Variants in ORC3 observed in about 807,000 individuals in gnomAD.
The protein encoded by ORC3 is origin recognition complex subunit 3.
ORC3 carries 78 observed loss-of-function variants against 100.7 expected under a neutral mutation model. The observed-to-expected ratio is 0.77, with a 90% CI of 0.65 to 0.94. The LOEUF is 0.94. ORC3 is among the 40% of genes least tolerant of loss of function. The pLI, the probability that ORC3 is intolerant of heterozygous loss-of-function variation, is 0.00. For missense variants in ORC3, 789 were observed against 823.9 expected (o/e 0.96, Z 0.52); for synonymous variants, 295 against 289.3 (o/e 1.02, Z -0.20).
rs1157923459 is a variant in ORC3, at chr6:87,609,105, C to T, written c.589C>T (p.Pro197Ser). The change falls in exon 7 of 20, where the codon CCA (proline) becomes TCA (serine). Residue 197 changes from proline (P) to serine (S), a missense_variant. By Grantham distance (74) the Pro-to-Ser change is moderately conservative (BLOSUM62 -1). Coordinates refer to ENST00000392844, the MANE Select transcript of ORC3 (RefSeq NM_012381.4). ...TGCAATGGCTTAAAAGAAGACGGACCCAAAAATGCTAAGCAAAAAAAGGAC... is the reference window on the plus strand; with the variant it reads ...TGCAATGGCTTAAAAGAAGACGGACTCAAAAATGCTAAGCAAAAAAAGGAC... ...WYMTVTQKTD[P>S]KMLSKKRTTS... 1.9e-6 allele frequency: 3 copies of T among 1,600,322 alleles called. No individual in the cohort carries two copies. Among genetic ancestry groups the T allele is most frequent in the Admixed American group, 3.6e-5 (2 of 55,422 alleles).
the ORC3 span, among the ~76,000 whole-genome samples, chr6:87,673,823 G>A: frequency 1.3e-5 from 2 of 150,722 alleles, no homozygotes; most frequent in African/African-American, 4.9e-5. Flanking sequence ...CCTGGTGACA[G>A]AGCAAGACTC....
chr6:87,651,074 G>T (rs1769225565), intron 13 of ORC3: 1 of 429,368 alleles, frequency 2.3e-6, no homozygotes, highest in Admixed American at 2.5e-5. Flanking sequence ...TTACATCTGA[G>T]TACCTTCTCC....
intron 14 of ORC3, among the ~76,000 whole-genome samples, chr6:87,653,481 A>C (rs559934859): frequency 2.0e-5 from 3 of 152,226 alleles, no homozygotes; most frequent in Non-Finnish European, 4.4e-5. Flanking sequence ...GAAAAAGAAA[A>C]TCTTTCTCCA....
At chr6:87,632,713 T>C (rs1245388802) in intron 11 of ORC3, among the ~76,000 whole-genome samples, 1 of 151,774 alleles carries the variant, frequency 6.6e-6, no homozygotes, top group Non-Finnish European at 1.5e-5. Flanking sequence ...AAATACAAAA[T>C]GTTAACTGGG....
chr6:87,675,323 T>C, the ORC3 span: 2 of 497,578 alleles, frequency 4.0e-6, no homozygotes, highest in Non-Finnish European at 7.2e-6. Context: ...TTTAATCCTT[T>C]TCAAACATTA....
At chr6:87,630,974 A>G (rs191122691) in intron 11 of ORC3, among the ~76,000 whole-genome samples, 4 of 151,998 alleles carry the variant, frequency 2.6e-5, no homozygotes, top group Admixed American at 2.6e-4. Context: ...GGGCTCAAGC[A>G]GTCTTCCTAC....
intron 3 of ORC3, among the ~76,000 whole-genome samples, chr6:87,602,586 T>C (rs1031218136): frequency 6.6e-5 from 10 of 152,106 alleles, no homozygotes; most frequent in Non-Finnish European, 1.5e-4. Flanking sequence ...TTACACCTAG[T>C]GGTAATGAGC....
chr6:87,601,355 A>T (rs1365804964), intron 2 of ORC3, among the ~76,000 whole-genome samples: 1 of 152,180 alleles, frequency 6.6e-6, no homozygotes, highest in African/African-American at 2.4e-5. Flanking sequence ...CCTGTCCCCA[A>T]ATATATGTTT....
Position 87,665,826 on chromosome 6 carries a change from A to G in ORC3, c.2023A>G (p.Ile675Val). Residue 675 changes from isoleucine to valine, a missense_variant, in exon 19 of 20, where the codon ATT becomes GTT. Coordinates refer to ENST00000392844, the MANE Select transcript of ORC3 (RefSeq NM_012381.4). ...NSATSEEMNE[I>V]IHARFIRAVS... Reference sequence around the variant, plus strand: ...TGCAACCTCAGAAGAAATGAATGAAATTATCCAGTATCCTTTTAAAACCAT... The same window carrying G: ...TGCAACCTCAGAAGAAATGAATGAAGTTATCCAGTATCCTTTTAAAACCAT... 1 of 1,594,162 alleles carries G rather than the reference A, an allele frequency of 6.3e-7. No individual in the cohort carries two copies. Among genetic ancestry groups the G allele is most frequent in the Non-Finnish European group, 8.6e-7 (1 of 1,162,336 alleles).
chr6:87,653,146 A>T lies in ORC3; in HGVS notation c.1413A>T (p.Ile471=). The T allele has an allele frequency of 6.2e-7, 1 of 1,613,426 alleles. No individual in the cohort carries two copies. The highest frequency in any genetic ancestry group is 8.5e-7 in the Non-Finnish European group (1 of 1,179,394). ...TGGCAAAGGATGAACTGATGACCAT[A>T]CTTGAGAAATGTTTCAAGGTTTTTA... ...RMLAKDELMT[I]LEKCFKVFKS... The change falls in exon 14 of 20, where the codon ATA becomes ATT. Residue 471 remains isoleucine, a synonymous_variant. Coordinates refer to ENST00000392844, the MANE Select transcript of ORC3 (RefSeq NM_012381.4).
chr6:87,636,286 A>C (rs1767821965), intron 12 of ORC3, 121 bp from the exon 13 acceptor site: 1 of 654,292 alleles, frequency 1.5e-6, no homozygotes, highest in Admixed American at 2.7e-5. Context: ...AGTCTATTAT[A>C]ATCTAAAGAA....
intron 1 of ORC3, 142 bp from the exon 2 acceptor site, chr6:87,594,211 A>T (rs1582987868): frequency 3.5e-6 from 2 of 563,680 alleles, no homozygotes; most frequent in East Asian, 5.3e-5. Flanking sequence ...AAGTGATGTG[A>T]TTTCTTAGAA....
At chr6:87,662,876 G>A (rs1355223370) in intron 16 of ORC3, 127 bp from the exon 17 acceptor site, 1 of 478,090 alleles carries the variant, frequency 2.1e-6, no homozygotes, top group African/African-American at 2.0e-5. Context: ...TACAGAGAGA[G>A]GATTGACAAA....
chr6:87,645,793 G>C (rs1314320035), intron 13 of ORC3, among the ~76,000 whole-genome samples: 1 of 152,038 alleles, frequency 6.6e-6, no homozygotes, highest in East Asian at 1.9e-4. Context: ...CAGGATGATT[G>C]CTTTTAATGA....
rs139887624 is a variant in ORC3, at chr6:87,631,681, G to C, written c.1186-3164G>C. Reference sequence around the variant, plus strand: ...CTAATTTTTGTATTTTTACTAGAGAGGGGGTTTTGCCAGGTTGGCTAGGCT... The same window carrying C: ...CTAATTTTTGTATTTTTACTAGAGACGGGGTTTTGCCAGGTTGGCTAGGCT... On this transcript the variant is annotated intron_variant, in intron 11 of 19. Transcript: ENST00000392844. Among the ~76,000 whole-genome samples, 359 of 151,768 alleles carry C rather than the reference G, an allele frequency of 2.4e-3. 3 individuals carry two copies. The highest frequency in any genetic ancestry group is 7.9e-3 in the African/African-American group (326 of 41,436).
chr6:87,593,956 G>T (rs927836237), intron 1 of ORC3, among the ~76,000 whole-genome samples: 3 of 152,188 alleles, frequency 2.0e-5, no homozygotes, highest in Non-Finnish European at 4.4e-5. Flanking sequence ...TGGCCTCCCA[G>T]AGTGCTGGGA....
At chr6:87,620,733 G>A (rs28381501) in intron 9 of ORC3, among the ~76,000 whole-genome samples, 226 of 152,076 alleles carry the variant, frequency 1.5e-3, no homozygotes, top group African/African-American at 5.1e-3. Flanking sequence ...TTATCCAAAC[G>A]TTCATTATGT....
intron 8 of ORC3, among the ~76,000 whole-genome samples, chr6:87,616,044 G>A (rs1445130672): frequency 1.3e-5 from 2 of 151,838 alleles, no homozygotes; most frequent in Non-Finnish European, 2.9e-5. Flanking sequence ...ATAGTTAATA[G>A]GTGGTATTTT....
chr6:87,591,350 A>G (rs1484106729), intron 1 of ORC3, among the ~76,000 whole-genome samples: 5 of 151,562 alleles, frequency 3.3e-5, no homozygotes, highest in Non-Finnish European at 7.4e-5. Flanking sequence ...GAAGAAGGCT[A>G]TGTCATGGAT....
Sources: allele counts gnomAD v4.1 joint callset (sites outside exome capture counted in the v4.1 genomes callset), GRCh38; gene constraint gnomAD v4.1.1; transcripts MANE v1.5; gene names NCBI Gene and HGNC (gene_info 2026-07-23, HGNC 2026-07-21).